DDX47: variants seen among roughly 807,000 people sequenced by gnomAD.
DDX47 encodes DEAD-box helicase 47, also known as probable ATP-dependent RNA helicase DDX47.
In DDX47, 60 loss-of-function variants were observed where a neutral mutation model predicts 58.8. The ratio of observed to expected loss-of-function variants is 1.02; its 90% CI spans 0.83 to 1.26. The LOEUF is 1.26. DDX47 is among the 50% of genes most tolerant of loss of function. DDX47 has a pLI of 0.00. For synonymous variants in DDX47, 197 were observed against 204.6 expected, an observed-to-expected ratio of 0.96 and a Z score of 0.32; for missense variants, 530 against 573.2, an observed-to-expected ratio of 0.92 and a Z score of 0.77.
chr12:12,821,737 G>T lies in DDX47; in HGVS notation c.442+11G>T. 1 of 1,599,464 alleles carries T rather than the reference G, an allele frequency of 6.3e-7. No homozygotes were observed. The highest frequency in any genetic ancestry group is 1.1e-5 in the South Asian group (1 of 90,762). On this transcript the variant is annotated intron_variant, in intron 4 of 11. Coordinates refer to ENST00000358007, the MANE Select transcript of DDX47 (RefSeq NM_016355.4). ...CACATATAATAATAGGTGAGTAACT[G>T]ACAAAGGTAAAAGACACTGGCAGTG... is the stretch of plus-strand genomic sequence containing the variant.
At chr12:12,818,247 C>T (rs1433283663) in intron 2 of DDX47, among the ~76,000 whole-genome samples, 3 of 152,158 alleles carry the variant, frequency 2.0e-5, no homozygotes, top group East Asian at 1.9e-4. Context: ...ATTGGCTGGG[C>T]GTGGTGGCTC....
At chr12:12,829,295 T>A (rs1440763281) in intron 11 of DDX47, 128 bp from the exon 12 acceptor site, 2 of 1,009,634 alleles carry the variant, frequency 2.0e-6, no homozygotes, top group Non-Finnish European at 2.8e-6. Flanking sequence ...AGTTGGGTCT[T>A]GTTCCTTTGC....
At position 12,821,261 on chromosome 12, in the gene DDX47, G is replaced by T. The variant is rs1037476153; in HGVS notation, c.235G>T (p.Ala79Ser). The change falls in exon 3 of 12, where the codon GCT (alanine) becomes TCT (serine). Residue 79 changes from alanine to serine, a missense_variant. By Grantham distance (99) the Ala-to-Ser change is moderately conservative (BLOSUM62 1). Coordinates refer to ENST00000358007, the MANE Select transcript of DDX47 (RefSeq NM_016355.4). Reference sequence around the variant, plus strand: ...TGGCTCTGGAAAGACAGGCGCCTTTGCTTTGCCCATTCTAAACGCACTGCT... The same window carrying T: ...TGGCTCTGGAAAGACAGGCGCCTTTTCTTTGCCCATTCTAAACGCACTGCT... ...ETGSGKTGAF[A>S]LPILNALLET... is the part of the protein sequence containing the mutation. 4 of 1,614,086 alleles carry T rather than the reference G, an allele frequency of 2.5e-6. No individual in the cohort carries two copies. The African/African-American group carries it at 5.3e-5, about 22-fold the overall frequency.
chr12:12,828,732 G>A (rs1417016726), intron 11 of DDX47, among the ~76,000 whole-genome samples: 1 of 152,204 alleles, frequency 6.6e-6, no homozygotes, highest in East Asian at 1.9e-4. Flanking sequence ...GATTAAAGTA[G>A]TAAGTGAAAA....
chr12:12,821,769 T>C (rs1300995583), intron 4 of DDX47, 43 bp downstream of exon 4: 21 of 1,486,170 alleles, frequency 1.4e-5, no homozygotes, highest in Non-Finnish European at 2.0e-5. Context: ...AGTGATGAAT[T>C]GGAGAAAATC....
intron 8 of DDX47, 62 bp downstream of exon 8, chr12:12,824,078 C>T (rs1163955702): frequency 6.4e-7 from 1 of 1,552,420 alleles, no homozygotes; most frequent in African/African-American, 1.4e-5. Flanking sequence ...AACCTCCTAA[C>T]AGTAGGTTTG....
chr12:12,822,897 C>T (rs1489105755), intron 6 of DDX47, among the ~76,000 whole-genome samples, 165 bp downstream of exon 6: 4 of 152,236 alleles, frequency 2.6e-5, no homozygotes, highest in Non-Finnish European at 4.4e-5. Context: ...AATTGACTCA[C>T]AGTTCCACAT....
intron 6 of DDX47, 122 bp downstream of exon 6, chr12:12,822,854 T>C (rs1862993485): frequency 2.5e-6 from 2 of 806,682 alleles, no homozygotes; most frequent in South Asian, 3.3e-5. Context: ...AAGAACTATC[T>C]GAGACTAGGT....
intron 5 of DDX47, among the ~76,000 whole-genome samples, chr12:12,822,442 GT>G (rs1260632118): frequency 1.3e-5 from 2 of 152,050 alleles, no homozygotes; most frequent in Non-Finnish European, 2.9e-5. Context: ...AATTTAAACT[GT>G]TCTTTTCTCA....
At position 12,821,255 on chromosome 12, in the gene DDX47, G is replaced by A. The variant is rs767663482; in HGVS notation, c.229G>A (p.Ala77Thr). 7.4e-6 allele frequency: 12 copies of A among 1,614,068 alleles called. No individual in the cohort carries two copies. Among genetic ancestry groups the A allele is most frequent in the East Asian group, 4.5e-5 (2 of 44,894 alleles). Residue 77 changes from alanine to threonine, a missense_variant, in exon 3 of 12, where the codon GCC (alanine) becomes ACC (threonine). Ala to Thr is a moderately conservative substitution (Grantham distance 58). Coordinates refer to ENST00000358007, the MANE Select transcript of DDX47 (RefSeq NM_016355.4). ...AGAAACTGGCTCTGGAAAGACAGGC[G>A]CCTTTGCTTTGCCCATTCTAAACGC... Reference protein sequence around the residue: ...LAETGSGKTGAFALPILNALL... With the variant: ...LAETGSGKTGTFALPILNALL...
At chr12:12,823,746 G>T (rs139737821) in intron 7 of DDX47, 124 bp from the exon 8 acceptor site, 106 of 910,026 alleles carry the variant, frequency 1.2e-4, no homozygotes, top group African/African-American at 8.6e-4. Flanking sequence ...TGCAAAGCTG[G>T]CAGCTGGAGG....
chr12:12,815,953 G>A lies in DDX47; in HGVS notation c.181+1729G>A, dbSNP rs189661666. Among the ~76,000 whole-genome samples, 68 of 152,190 alleles carry A rather than the reference G, an allele frequency of 4.5e-4. 1 individual carries two copies. The highest frequency in any genetic ancestry group is 2.7e-3 in the Admixed American group (42 of 15,288). On this transcript the variant is annotated intron_variant, in intron 2 of 11. Transcript: ENST00000358007. Reference sequence around the variant, plus strand: ...TTAGTAGGTCTTTGTAATGATTTTTGCAATCAATAATGGGTAGGGTGGTGG... The same window carrying A: ...TTAGTAGGTCTTTGTAATGATTTTTACAATCAATAATGGGTAGGGTGGTGG...
At chr12:12,817,772 A>G (rs1862917767) in intron 2 of DDX47, among the ~76,000 whole-genome samples, 1 of 152,214 alleles carries the variant, frequency 6.6e-6, no homozygotes, top group Non-Finnish European at 1.5e-5. Context: ...AAAGGAGATG[A>G]CGTAGAAAAA....
intron 5 of DDX47, 90 bp from the exon 6 acceptor site, chr12:12,822,571 T>C: frequency 4.0e-6 from 4 of 1,011,932 alleles, no homozygotes; most frequent in Non-Finnish European, 6.1e-6. Flanking sequence ...ATATTTAGTT[T>C]GTTAGTGTCT....
At chr12:12,824,857 G>C (rs1198037287) in intron 9 of DDX47, 180 bp downstream of exon 9, 1 of 543,410 alleles carries the variant, frequency 1.8e-6, no homozygotes, top group Non-Finnish European at 3.1e-6. Flanking sequence ...TGTAACATTA[G>C]TACATATGAA....
At chr12:12,821,538 A>G (rs1862973076) in intron 3 of DDX47, 117 bp from the exon 4 acceptor site, 21 of 1,419,174 alleles carry the variant, frequency 1.5e-5, no homozygotes, top group Non-Finnish European at 2.1e-5. Flanking sequence ...TGGGAAGAGT[A>G]TTAATTGTAA....
Position 12,813,347 on chromosome 12 carries a change from C to T in DDX47, c.-21C>T. 1 of 1,609,834 alleles carries T rather than the reference C, an allele frequency of 6.2e-7. No individual in the cohort carries two copies. ...CAGCATCCCGCGCGCCGCAGACCCA[C>T]TTCCGGAGACCTCACACAAGATGGC... On this transcript the variant is annotated 5_prime_UTR_variant, in exon 1 of 12. Coordinates refer to ENST00000358007, the MANE Select transcript of DDX47 (RefSeq NM_016355.4).
chr12:12,816,128 A>G (rs144322786), intron 2 of DDX47, among the ~76,000 whole-genome samples: 1 of 152,270 alleles, frequency 6.6e-6, no homozygotes, highest in East Asian at 1.9e-4. Context: ...ACAAAAAAGG[A>G]ACGGGGGAAA....
chr12:12,823,545 C>G, intron 7 of DDX47: 2 of 558,460 alleles, frequency 3.6e-6, no homozygotes, highest in Non-Finnish European at 6.4e-6. Flanking sequence ...TCATATAATT[C>G]CTTCCCATCC....
Sources: allele counts gnomAD v4.1 joint callset (sites outside exome capture counted in the v4.1 genomes callset), GRCh38; gene constraint gnomAD v4.1.1; transcripts MANE v1.5; gene names NCBI Gene and HGNC (gene_info 2026-07-23, HGNC 2026-07-21).